The following WRN variants were observed in gnomAD, a reference collection of about 807,000 sequenced individuals.
The protein encoded by WRN is WRN RecQ like helicase, also known as bifunctional 3'-5' exonuclease/ATP-dependent helicase WRN.
In WRN, 149 loss-of-function variants were observed where a neutral mutation model predicts 180.7. The ratio of observed to expected loss-of-function variants is 0.82; its 90% CI spans 0.72 to 0.94. The LOEUF (loss-of-function observed/expected upper bound fraction) is 0.94. WRN is among the 40% of genes least tolerant of loss of function. The probability of loss-of-function intolerance (pLI) is 0.00; values close to 1 mark genes in which losing one functional copy is unlikely to be tolerated. For missense variants in WRN, 1,661 were observed against 1,700.1 expected, an observed-to-expected ratio of 0.98 and a Z score of 0.40; for synonymous variants, 548 against 568.9, an observed-to-expected ratio of 0.96 and a Z score of 0.52.
chr8:31,139,438 G>C (rs944803484), intron 24 of WRN, among the ~76,000 whole-genome samples: 3 of 152,074 alleles, frequency 2.0e-5, no homozygotes, highest in African/African-American at 7.2e-5. Context: ...GTATTAAATG[G>C]CTTATAATAT....
chr8:31,080,903 A>G lies in WRN; in HGVS notation c.876A>G (p.Leu292=), dbSNP rs759323644. The change falls in exon 9 of 35, where the codon CTA becomes CTG. Residue 292 remains leucine (L), a synonymous_variant. Coordinates refer to ENST00000298139, the MANE Select transcript of WRN (RefSeq NM_000553.6). ...TACTAAAGGATATTTCAGAAAATCT[A>G]TATTCACTGAGGAGGATGATAATTG... ...SILLKDISEN[L]YSLRRMIIGS... 62 of 1,610,520 alleles carry G rather than the reference A, an allele frequency of 3.8e-5. 1 individual carries two copies. The highest frequency in any genetic ancestry group is 1.8e-4 in the South Asian group (16 of 89,840).
At position 31,174,819 on chromosome 8, in the gene WRN, T is replaced by TCCTTCCTTCCTTCCTTCCTCCCTCCCTC. The variant is rs1343039875; in HGVS notation, c.*1720_*1721insTCCTTCCTTCCTTCCTCCCTCCCTCCCT. Among the ~76,000 whole-genome samples, 1 of 86,628 alleles carries TCCTTCCTTCCTTCCTTCCTCCCTCCCTC rather than the reference T, an allele frequency of 1.2e-5. No homozygotes were observed. Among genetic ancestry groups the TCCTTCCTTCCTTCCTTCCTCCCTCCCTC allele is most frequent in the East Asian group, 2.9e-4 (1 of 3,490 alleles). The allele number at this position is 86,628 out of a possible 152,430, so 56.8% of individuals were successfully genotyped here. ...CCCCTTCCTTCCTTCCTTCCTTCCT[T>TCCTTCCTTCCTTCCTTCCTCCCTCCCTC]CCTCCCTCCCTCCCTCCCTCCCTCC... is the stretch of plus-strand genomic sequence containing the variant. On this transcript the variant is annotated 3_prime_UTR_variant, in exon 35 of 35. Transcript: ENST00000298139.
chr8:31,154,870 A>C, intron 32 of WRN, 115 bp downstream of exon 32: 1 of 1,300,778 alleles, frequency 7.7e-7, no homozygotes, highest in Non-Finnish European at 1.1e-6. Flanking sequence ...ACCCTACAAT[A>C]AATCTCAGTT....
intron 8 of WRN, among the ~76,000 whole-genome samples, chr8:31,079,173 T>C (rs766003254): frequency 1.3e-5 from 2 of 152,224 alleles, no homozygotes; most frequent in Non-Finnish European, 2.9e-5. Flanking sequence ...TGATTTTGTT[T>C]GTGTTAATGT....
chr8:31,067,082 T>G lies in WRN; in HGVS notation c.554T>G (p.Leu185Ter), dbSNP rs1563331288. The G allele has an allele frequency of 6.2e-7, 1 of 1,613,958 alleles. No homozygotes were observed. The highest frequency in any genetic ancestry group is 8.5e-7 in the Non-Finnish European group (1 of 1,179,956). ...WSLNSLVKHLLGKQLLKDKSI... is the reference protein window; with the variant it reads ...WSLNSLVKHL ...CTTAACAGTCTGGTTAAACACCTCTTAGGTAAACAGCTCCTGAAAGACAAG... is the reference window on the plus strand; with the variant it reads ...CTTAACAGTCTGGTTAAACACCTCTGAGGTAAACAGCTCCTGAAAGACAAG... Residue 185 changes from leucine to a stop codon, truncating the protein, a stop_gained, in exon 6 of 35, where the codon TTA becomes TGA. Coordinates refer to ENST00000298139, the MANE Select transcript of WRN (RefSeq NM_000553.6). LOFTEE classifies it high-confidence loss of function.
At chr8:31,141,391 A>AC in intron 24 of WRN, 39 bp from the exon 25 acceptor site, 6 of 1,612,020 alleles carry the variant, frequency 3.7e-6, no homozygotes, top group Non-Finnish European at 5.1e-6. Flanking sequence ...ATATGTTTAA[A>AC]TTAGCATTTT....
rs139172757 is a variant in WRN, at chr8:31,104,004, G to A, written c.2088+3049G>A. Among the ~76,000 whole-genome samples, 145 of 152,334 alleles carry A rather than the reference G, an allele frequency of 9.5e-4. 2 individuals carry two copies. The East Asian group carries it at 0.025, about 26-fold the overall frequency. Reference sequence around the variant, plus strand: ...CTGCCTCGGCCTCCCAAAGTGCTGGGATTACAGGCGTGAGCCACTGCGCCC... The same window carrying A: ...CTGCCTCGGCCTCCCAAAGTGCTGGAATTACAGGCGTGAGCCACTGCGCCC... On this transcript the variant is annotated intron_variant, in intron 18 of 34. Coordinates refer to ENST00000298139, the MANE Select transcript of WRN (RefSeq NM_000553.6).
At chr8:31,081,989 G>A (rs1166564004) in intron 9 of WRN, among the ~76,000 whole-genome samples, 1 of 152,054 alleles carries the variant, frequency 6.6e-6, no homozygotes, top group Admixed American at 6.5e-5. Context: ...TCCAACTCCT[G>A]GACTCAAGTG....
chr8:31,095,088 TC>T (rs1813906947), intron 16 of WRN, among the ~76,000 whole-genome samples: 1 of 152,202 alleles, frequency 6.6e-6, no homozygotes, highest in Non-Finnish European at 1.5e-5. Flanking sequence ...GAGGTCCAGT[TC>T]CTCCCCATCC....
intron 1 of WRN, among the ~76,000 whole-genome samples, chr8:31,056,610 T>C (rs1051928630): frequency 1.3e-5 from 2 of 152,158 alleles, no homozygotes; most frequent in Non-Finnish European, 1.5e-5. Context: ...AGAAACAAAT[T>C]ACAGAAATGT....
chr8:31,068,115 T>C (rs1015488242), intron 6 of WRN, 143 bp from the exon 7 acceptor site: 6 of 635,520 alleles, frequency 9.4e-6, no homozygotes, highest in East Asian at 2.8e-5. Context: ...TGAGGACATA[T>C]TGATATTTGT....
At chr8:31,168,213 C>G (rs988956360) in intron 34 of WRN, among the ~76,000 whole-genome samples, 10 of 152,018 alleles carry the variant, frequency 6.6e-5, no homozygotes, top group African/African-American at 2.4e-4. Context: ...TATAACTGAA[C>G]TAGCTATAAG....
intron 6 of WRN, 133 bp downstream of exon 6, chr8:31,067,315 T>A (rs1812749481): frequency 1.9e-6 from 2 of 1,063,598 alleles, no homozygotes; most frequent in Non-Finnish European, 1.4e-6. Flanking sequence ...CATTGAAAAA[T>A]GCTTAGGAAG....
chr8:31,103,749 T>C (rs1048658206), intron 18 of WRN, among the ~76,000 whole-genome samples: 6 of 152,172 alleles, frequency 3.9e-5, no homozygotes, highest in African/African-American at 1.4e-4. Flanking sequence ...TTATTTTTCT[T>C]TTTTTGAGAC....
chr8:31,147,884 A>ATTTTTTTT (rs367782924), intron 30 of WRN, among the ~76,000 whole-genome samples: 3 of 126,884 alleles, frequency 2.4e-5, no homozygotes, highest in Admixed American at 8.2e-5. Context: ...CTTCTTCTTC[A>ATTTTTTTT]TTTTTTTTTT....
rs1343075365 is a variant in WRN at position 31,116,381 on chromosome 8, A to G, written c.2301A>G (p.Thr767=). The change falls in exon 20 of 35, where the codon ACA becomes ACG. Residue 767 remains threonine, a synonymous_variant. Coordinates refer to ENST00000298139, the MANE Select transcript of WRN (RefSeq NM_000553.6). ...TSSHWEFEGP[T]IIYCPSRKMT... is the part of the protein sequence containing the mutation. ...CCCACTGGGAATTTGAAGGTCCAACAATCATCTACTGTCCTTCTAGAAAAA... is the reference window on the plus strand; with the variant it reads ...CCCACTGGGAATTTGAAGGTCCAACGATCATCTACTGTCCTTCTAGAAAAA... 1.9e-6 allele frequency: 3 copies of G among 1,614,014 alleles called. No individual in the cohort carries two copies. The Admixed American group carries it at 5.0e-5, about 27-fold the overall frequency.
chr8:31,090,608 T>C lies in WRN; in HGVS notation c.1720+76T>C, dbSNP rs1187582700. The stretch of plus-strand genomic sequence containing the variant: ...GAGTTTGAAATGCTTAATCTTTCAT[T>C]AAACTCTCAAAATACAAATGCAACT... On this transcript the variant is annotated intron_variant, in intron 14 of 34. Transcript: ENST00000298139. The C allele has an allele frequency of 2.1e-6, 3 of 1,427,538 alleles. No individual in the cohort carries two copies. The African/African-American group carries it at 4.3e-5, about 20-fold the overall frequency. 88.4% of individuals were successfully genotyped at this position (1,427,538 alleles called of 1,614,324 possible).
In WRN at chr8:31,106,659, A is replaced by G. The variant is rs537997414; in HGVS notation, c.2089-4956A>G. 3.4e-4 allele frequency among the ~76,000 whole-genome samples: 51 copies of G among 152,234 alleles called. 1 individual carries two copies. In the South Asian group the frequency reaches 9.5e-3, roughly 28 times the overall value. On this transcript the variant is annotated intron_variant, in intron 18 of 34. Transcript: ENST00000298139. ...TTGGATTTAGGCCTCCTGGGCCACCATATTTGAAATATCAGATTAGTTCCC... is the reference window on the plus strand; with the variant it reads ...TTGGATTTAGGCCTCCTGGGCCACCGTATTTGAAATATCAGATTAGTTCCC...
chr8:31,068,872 T>A (rs917568673), intron 7 of WRN, among the ~76,000 whole-genome samples: 2 of 152,240 alleles, frequency 1.3e-5, no homozygotes, highest in African/African-American at 4.8e-5. Context: ...ACCTCAGTGC[T>A]GTTTTTAGAG....
Sources: gnomAD v4.1 joint callset for allele counts (sites outside exome capture counted in the v4.1 genomes callset) on GRCh38, gnomAD v4.1.1 for gene constraint, MANE v1.5 for transcripts, NCBI Gene and HGNC (gene_info 2026-07-23, HGNC 2026-07-21) for gene names.